The following FLNB variants were observed in gnomAD, a reference collection of about 807,000 sequenced individuals.
FLNB encodes filamin B, also known as filamin-B.
A neutral mutation model predicts 250.6 loss-of-function variants in FLNB; 111 were observed. That is an observed-to-expected ratio of 0.44 (90% CI 0.38 to 0.52). The LOEUF is 0.52. FLNB is among the 20% of genes least tolerant of loss of function. The pLI is 0.00. For synonymous variants in FLNB, 1,302 were observed against 1,372.1 expected (o/e 0.95, Z 1.13); for missense variants, 2,869 against 3,447.8 (o/e 0.83, Z 4.20).
At chr3:58,151,194 C>G (rs1039688741) in intron 38 of FLNB, 1 of 152,074 alleles carries the variant, frequency 6.6e-6, no homozygotes, top group Non-Finnish European at 1.5e-5. Context: ...GAGTTCGAGA[C>G]CAGCCTGGCT....
At chr3:58,158,466 A>C (rs557525107) in intron 41 of FLNB, among the ~76,000 whole-genome samples, 1 of 152,310 alleles carries the variant, frequency 6.6e-6, no homozygotes, top group African/African-American at 2.4e-5. Context: ...CCTCAGCATC[A>C]CCTGAGAACT....
chr3:58,127,127 A>C (rs2097299265), intron 24 of FLNB, among the ~76,000 whole-genome samples: 1 of 152,166 alleles, frequency 6.6e-6, no homozygotes, highest in Non-Finnish European at 1.5e-5. Context: ...GTTTGAGACC[A>C]GCCCAGGCAA....
chr3:58,169,427 G>T lies in FLNB; in HGVS notation c.7418-163G>T, dbSNP rs1463915759. 1 of 682,834 alleles carries T rather than the reference G, an allele frequency of 1.5e-6. No individual in the cohort carries two copies. The highest frequency in any genetic ancestry group is 1.5e-5 in the South Asian group (1 of 65,526). 42.3% of individuals were successfully genotyped at this position (682,834 alleles called of 1,614,324 possible). On this transcript the variant is annotated intron_variant, in intron 44 of 45. Coordinates refer to ENST00000295956, the MANE Select transcript of FLNB (RefSeq NM_001457.4). This position sits in a 1 kb window ranked among gnomAD's most constrained non-coding sequence, Gnocchi z 4.8. ...GTTGTATGGGGGTGGGATCCTAGGG[G>T]TTTAGAAGACATTATGGGTGTGAGA...
At position 58,085,248 on chromosome 3, in the gene FLNB, G is replaced by A. The variant is rs182303175; in HGVS notation, c.787+3472G>A. Among the ~76,000 whole-genome samples, 245 of 147,918 alleles carry A rather than the reference G, an allele frequency of 1.7e-3. 2 individuals carry two copies. Among genetic ancestry groups the A allele is most frequent in the South Asian group, 5.0e-3 (22 of 4,442 alleles). On this transcript the variant is annotated intron_variant, in intron 4 of 45. Coordinates refer to ENST00000295956, the MANE Select transcript of FLNB (RefSeq NM_001457.4). ...ATTCTATATGCAGCTTATTTTTCAG[G>A]AGGAAGTGGCCTCACTCTGCTTTTT... is the stretch of plus-strand genomic sequence containing the variant.
intron 42 of FLNB, chr3:58,162,458 CTTAA>C (rs1053548081): frequency 1.3e-5 from 2 of 152,534 alleles, no homozygotes; most frequent in African/African-American, 4.8e-5. Context: ...TAGCTTTGAG[CTTAA>C]TTAAGGAGCA....
intron 1 of FLNB, among the ~76,000 whole-genome samples, chr3:58,052,159 A>G (rs1206519914): frequency 6.6e-6 from 1 of 152,122 alleles, no homozygotes; most frequent in Non-Finnish European, 1.5e-5. Context: ...AAGTGCTGGG[A>G]TTATGGGTGT....
At chr3:58,047,787 C>T (rs1281783502) in intron 1 of FLNB, among the ~76,000 whole-genome samples, 1 of 152,024 alleles carries the variant, frequency 6.6e-6, no homozygotes, top group Non-Finnish European at 1.5e-5. Flanking sequence ...TGGTCGTGAA[C>T]TATTGACCTC....
intron 1 of FLNB, among the ~76,000 whole-genome samples, chr3:58,065,849 G>A (rs756701300): frequency 2.6e-5 from 4 of 152,244 alleles, no homozygotes; most frequent in African/African-American, 7.2e-5. Flanking sequence ...AAAGGGTCAC[G>A]AGGACCTCCA....
At chr3:58,150,613 A>G (rs2097343230) in intron 38 of FLNB, 2 of 308,362 alleles carry the variant, frequency 6.5e-6, no homozygotes, top group Non-Finnish European at 1.2e-5. Flanking sequence ...GCATCCTTCT[A>G]GTATTTCTCT....
At chr3:58,121,011 C>T (rs974868765) in intron 19 of FLNB, among the ~76,000 whole-genome samples, 16 of 152,118 alleles carry the variant, frequency 1.1e-4, no homozygotes, top group Non-Finnish European at 1.3e-4. Flanking sequence ...AAATGATAGC[C>T]GTTATTGCTG....
At chr3:58,035,308 G>C (rs1365694649) in intron 1 of FLNB, among the ~76,000 whole-genome samples, 1 of 152,150 alleles carries the variant, frequency 6.6e-6, no homozygotes, top group Non-Finnish European at 1.5e-5. Flanking sequence ...CTTTTAAGCT[G>C]TCTATGTAAT....
chr3:58,116,204 G>A (rs374885812), intron 18 of FLNB, among the ~76,000 whole-genome samples: 90 of 152,306 alleles, frequency 5.9e-4, no homozygotes, highest in African/African-American at 2.0e-3. Flanking sequence ...CTGGGCTAAG[G>A]AAGTGTGCCC....
chr3:58,013,651 C>T (rs1403477973), intron 1 of FLNB, among the ~76,000 whole-genome samples: 2 of 151,932 alleles, frequency 1.3e-5, no homozygotes, highest in African/African-American at 4.8e-5. Context: ...ATGGAGAAAC[C>T]CCATCTCTAC....
intron 24 of FLNB, among the ~76,000 whole-genome samples, chr3:58,130,515 C>T (rs763793786): frequency 5.3e-5 from 8 of 152,114 alleles, no homozygotes; most frequent in East Asian, 1.9e-4. Context: ...GGGTGTTAAC[C>T]GCTCAGGATC....
intron 24 of FLNB, 52 bp downstream of exon 24, chr3:58,126,814 A>G: frequency 1.9e-6 from 3 of 1,562,506 alleles, no homozygotes; most frequent in Non-Finnish European, 2.6e-6. Context: ...TTGCAGGAAA[A>G]TGGGTTTGAT....
chr3:58,084,276 C>A (rs9858862), intron 4 of FLNB, among the ~76,000 whole-genome samples: 1,744 of 151,982 alleles, frequency 0.011, 37 homozygotes, highest in African/African-American at 0.04. Flanking sequence ...AAAGGTTATG[C>A]TTCCTTAATG....
intron 1 of FLNB, among the ~76,000 whole-genome samples, chr3:58,043,835 C>G (rs1317120433): frequency 2.6e-5 from 4 of 152,172 alleles, no homozygotes; most frequent in African/African-American, 9.7e-5. Context: ...CATGCACCCA[C>G]CCCAGTACTG....
intron 3 of FLNB, among the ~76,000 whole-genome samples, chr3:58,080,062 C>T (rs996416964): frequency 3.3e-5 from 5 of 152,156 alleles, no homozygotes; most frequent in Non-Finnish European, 5.9e-5. Flanking sequence ...TTTACGTTCA[C>T]GTGATGTTGG....
At position 58,170,845 on chromosome 3, in the gene FLNB, GCCTGTTTGTGGGGCTGAAAC is replaced by G; in HGVS notation, c.*86_*105del. The G allele has an allele frequency of 7.6e-7, 1 of 1,324,314 alleles. No individual in the cohort carries two copies. Among genetic ancestry groups the G allele is most frequent in the Non-Finnish European group, 1.1e-6 (1 of 938,488 alleles). The allele number at this position is 1,324,314 out of a possible 1,614,324, so 82.0% of individuals were successfully genotyped here. ...AATTCATTTTATACAAAGCCCTCCA[GCCTGTTTGTGGGGCTGAAAC>G]CCCATCCCTAAAATATTGCTGTTGT... On this transcript the variant is annotated 3_prime_UTR_variant, in exon 46 of 46. Coordinates refer to ENST00000295956, the MANE Select transcript of FLNB (RefSeq NM_001457.4).
Sources: gnomAD v4.1 joint callset for allele counts (sites outside exome capture counted in the v4.1 genomes callset) on GRCh38, gnomAD v4.1.1 for gene constraint, Gnocchi (gnomAD v3.1) non-coding constraint, MANE v1.5 for transcripts, NCBI Gene and HGNC (gene_info 2026-07-23, HGNC 2026-07-21) for gene names.